ATF7IP: variants seen among roughly 807,000 people sequenced by gnomAD.
The protein encoded by ATF7IP is activating transcription factor 7 interacting protein.
ATF7IP carries 23 observed loss-of-function variants against 106.4 expected under a neutral mutation model. That is an observed-to-expected ratio of 0.22 (90% CI 0.16 to 0.31). The LOEUF is 0.31. Ranked by LOEUF, ATF7IP falls within the 10% of genes least tolerant of loss-of-function variation. ATF7IP has a pLI of 1.00. For synonymous variants in ATF7IP, 542 were observed against 539.0 expected (o/e 1.01, Z -0.08); for missense variants, 1,334 against 1,524.3 (o/e 0.88, Z 2.08).
chr12:14,489,178 C>T (rs1031200678), intron 13 of ATF7IP, among the ~76,000 whole-genome samples: 3 of 152,194 alleles, frequency 2.0e-5, no homozygotes, highest in Non-Finnish European at 4.4e-5. Context: ...ACCTCAATCA[C>T]AGGGCATGGT....
chr12:14,416,423 G>A (rs1229771493), intron 1 of ATF7IP, among the ~76,000 whole-genome samples: 2 of 152,150 alleles, frequency 1.3e-5, no homozygotes, highest in Non-Finnish European at 2.9e-5. Flanking sequence ...AGATAGAAAT[G>A]CCATGTCCAC....
In ATF7IP at chr12:14,402,110, C is replaced by A. The variant is rs977847250; in HGVS notation, c.-7-21799C>A. ...TGTCTGTCTTTCTCTCTCTCTTTTT[C>A]TTTTCTTTTCTTCTTTCTTTTTTTT... On this transcript the variant is annotated intron_variant, in intron 1 of 14. Transcript: ENST00000261168. Among the ~76,000 whole-genome samples, 5 of 134,746 alleles carry A rather than the reference C, an allele frequency of 3.7e-5. No homozygotes were observed. The Admixed American group carries it at 3.9e-4, about 11-fold the overall frequency. 88.4% of individuals were successfully genotyped at this position (134,746 alleles called of 152,430 possible). A position where few individuals can be genotyped will look rare whatever the true frequency, so the allele number is the denominator to read the frequency against.
intron 13 of ATF7IP, chr12:14,481,622 G>T (rs1421152254): frequency 1.1e-5 from 5 of 444,548 alleles, no homozygotes; most frequent in South Asian, 8.1e-5. Flanking sequence ...GTTAAACAGA[G>T]AAAATTGTTG....
intron 1 of ATF7IP, among the ~76,000 whole-genome samples, chr12:14,408,979 C>A (rs1161301796): frequency 2.0e-5 from 3 of 151,990 alleles, no homozygotes; most frequent in Non-Finnish European, 2.9e-5. Flanking sequence ...ACTTCATATT[C>A]TTCTTCTTTT....
At chr12:14,378,685 T>C (rs1247204407) in intron 1 of ATF7IP, among the ~76,000 whole-genome samples, 1 of 152,206 alleles carries the variant, frequency 6.6e-6, no homozygotes, top group African/African-American at 2.4e-5. Flanking sequence ...GCAGCCTACT[T>C]ACACAGAATT....
intron 13 of ATF7IP, among the ~76,000 whole-genome samples, chr12:14,488,879 TAA>T (rs1426333016): frequency 6.6e-6 from 1 of 152,188 alleles, no homozygotes; most frequent in African/African-American, 2.4e-5. Flanking sequence ...GAAAAGGAAA[TAA>T]AGACATTTTG....
In ATF7IP at chr12:14,478,316, G is replaced by C; in HGVS notation, c.2942-1G>C. The C allele has an allele frequency of 6.2e-7, 1 of 1,613,270 alleles. No individual in the cohort carries two copies. The highest frequency in any genetic ancestry group is 1.3e-5 in the African/African-American group (1 of 74,934). ...CATAATATTTCACTTTTAACTAACAGACCCCAAAAAACTAAATCACACTCC... is the reference window on the plus strand; with the variant it reads ...CATAATATTTCACTTTTAACTAACACACCCCAAAAAACTAAATCACACTCC... On this transcript the variant is annotated splice_acceptor_variant, in intron 11 of 14. Coordinates refer to ENST00000261168, the MANE Select transcript of ATF7IP (RefSeq NM_018179.5). LOFTEE classifies it high-confidence loss of function.
Position 14,439,054 on chromosome 12 carries a change from C to G in ATF7IP, c.1929+787C>G, listed in dbSNP as rs139500574. Among the ~76,000 whole-genome samples, 31 of 152,212 alleles carry G rather than the reference C, an allele frequency of 2.0e-4. 1 individual carries two copies. The East Asian group carries it at 5.6e-3, about 27-fold the overall frequency. ...CACGTATTTATTAATTTCTACTTGT[C>G]ATTTTTTATTAAGTACAACTATATC... On this transcript the variant is annotated intron_variant, in intron 5 of 14. Transcript: ENST00000261168.
chr12:14,392,226 TTTTTTTTTC>T (rs979946349), intron 1 of ATF7IP, among the ~76,000 whole-genome samples: 3 of 149,660 alleles, frequency 2.0e-5, no homozygotes, highest in South Asian at 2.1e-4. Flanking sequence ...GCACAGATCT[TTTTTTTTTC>T]TTTTTTTTCT....
rs757534497 is a variant in ATF7IP, at chr12:14,488,291, C to T, written c.3280+7106C>T. On this transcript the variant is annotated intron_variant, in intron 13 of 14. Transcript: ENST00000261168. The stretch of plus-strand genomic sequence containing the variant: ...AAGAGTAGTTTATGAAATATTAACA[C>T]GATCACAAGATCCCACAATAGTCTA... Among the ~76,000 whole-genome samples, 19 of 152,070 alleles carry T rather than the reference C, an allele frequency of 1.2e-4. No homozygotes were observed. The East Asian group carries it at 1.4e-3, about 11-fold the overall frequency.
At chr12:14,443,296 G>A (rs1331021541) in intron 5 of ATF7IP, among the ~76,000 whole-genome samples, 1 of 152,190 alleles carries the variant, frequency 6.6e-6, no homozygotes, top group African/African-American at 2.4e-5. Flanking sequence ...ATTCTTGTCT[G>A]ATGTAAACTG....
intron 13 of ATF7IP, among the ~76,000 whole-genome samples, chr12:14,483,803 T>C (rs566680736): frequency 6.6e-6 from 1 of 152,080 alleles, no homozygotes; most frequent in African/African-American, 2.4e-5. Flanking sequence ...CCATTCCTTT[T>C]GAATGCTTCA....
chr12:14,368,906 G>A (rs1938414443), intron 1 of ATF7IP, among the ~76,000 whole-genome samples: 1 of 150,422 alleles, frequency 6.6e-6, no homozygotes, highest in Admixed American at 6.6e-5. Flanking sequence ...GTTTATGATT[G>A]TATATGTTAA....
At chr12:14,413,580 T>C (rs1039310105) in intron 1 of ATF7IP, among the ~76,000 whole-genome samples, 1 of 152,186 alleles carries the variant, frequency 6.6e-6, no homozygotes, top group Non-Finnish European at 1.5e-5. Flanking sequence ...CAAGTTAAAA[T>C]TACTATTTGT....
At chr12:14,440,316 A>C (rs948691637) in intron 5 of ATF7IP, among the ~76,000 whole-genome samples, 3 of 152,198 alleles carry the variant, frequency 2.0e-5, no homozygotes, top group Non-Finnish European at 2.9e-5. Flanking sequence ...CTTCCAAAGC[A>C]TTGTACTAAT....
intron 5 of ATF7IP, 103 bp downstream of exon 5, chr12:14,438,370 T>A: frequency 8.9e-7 from 1 of 1,121,386 alleles, no homozygotes; most frequent in Non-Finnish European, 1.2e-6. Context: ...ATTTAAATTC[T>A]AAATGTAAGA....
intron 1 of ATF7IP, among the ~76,000 whole-genome samples, 159 bp downstream of exon 1, chr12:14,365,986 C>CG (rs1201712915): frequency 2.6e-5 from 4 of 152,172 alleles, no homozygotes; most frequent in African/African-American, 9.7e-5. Flanking sequence ...CGTGATCTTG[C>CG]GGGGTCGGGC....
intron 10 of ATF7IP, among the ~76,000 whole-genome samples, 192 bp downstream of exon 10, chr12:14,466,782 G>A (rs780184262): frequency 3.9e-5 from 6 of 151,918 alleles, no homozygotes; most frequent in Admixed American, 6.6e-5. Flanking sequence ...TTTTGTTTTT[G>A]CATAACAGTT....
At chr12:14,400,861 T>C (rs1007105723) in intron 1 of ATF7IP, among the ~76,000 whole-genome samples, 1 of 151,744 alleles carries the variant, frequency 6.6e-6, no homozygotes, top group Non-Finnish European at 1.5e-5. Context: ...GTATTTTCTC[T>C]TTCTGTTTTG....
Sources: allele counts gnomAD v4.1 joint callset (sites outside exome capture counted in the v4.1 genomes callset), GRCh38; gene constraint gnomAD v4.1.1; transcripts MANE v1.5; gene names NCBI Gene and HGNC (gene_info 2026-07-23, HGNC 2026-07-21).